Variants in UNC5D observed in about 807,000 individuals in gnomAD.
UNC5D encodes the protein netrin receptor UNC5D.
In UNC5D, 39 loss-of-function variants were observed where a neutral mutation model predicts 105.4. The observed-to-expected ratio is 0.37, with a 90% CI of 0.29 to 0.48. UNC5D has a LOEUF of 0.48. Ranked by LOEUF, UNC5D falls within the 20% of genes least tolerant of loss-of-function variation. The probability of loss-of-function intolerance (pLI) is 0.98; values close to 1 mark genes in which losing one functional copy is unlikely to be tolerated. For missense variants in UNC5D, 991 were observed against 1,202.4 expected (o/e 0.82, Z 2.60); for synonymous variants, 452 against 450.4 (o/e 1.00, Z -0.04).
At chr8:35,654,442 C>G (rs942992784) in intron 4 of UNC5D, among the ~76,000 whole-genome samples, 8 of 152,156 alleles carry the variant, frequency 5.3e-5, no homozygotes, top group Admixed American at 3.9e-4. Flanking sequence ...TGATCTTCCA[C>G]TCTACCTGAG....
At position 35,384,031 on chromosome 8, in the gene UNC5D, T is replaced by G. The variant is rs371553903; in HGVS notation, c.103+148144T>G. On this transcript the variant is annotated intron_variant, in intron 1 of 16. Coordinates refer to ENST00000404895, the MANE Select transcript of UNC5D (RefSeq NM_080872.4). ...GAGATCGAGACCATCCTGGCTAACA[T>G]GGTGAAACCCTGTCTGTACTAAAAA... 3.4e-4 allele frequency among the ~76,000 whole-genome samples: 52 copies of G among 152,088 alleles called. 1 individual carries two copies. Among genetic ancestry groups the G allele is most frequent in the African/African-American group, 1.1e-3 (47 of 41,500 alleles).
At chr8:35,344,185 G>A (rs1464302045) in intron 1 of UNC5D, among the ~76,000 whole-genome samples, 2 of 152,044 alleles carry the variant, frequency 1.3e-5, no homozygotes, top group Non-Finnish European at 2.9e-5. Flanking sequence ...AAAATAAATG[G>A]CAATGCTGGA....
chr8:35,271,320 T>C (rs1203300186), intron 1 of UNC5D, among the ~76,000 whole-genome samples: 1 of 116,140 alleles, frequency 8.6e-6, no homozygotes, highest in African/African-American at 3.5e-5. Flanking sequence ...TGTGTATGTA[T>C]ATGCATACAC....
chr8:35,629,013 A>C (rs546298104), intron 4 of UNC5D, among the ~76,000 whole-genome samples: 1 of 152,148 alleles, frequency 6.6e-6, no homozygotes, highest in Non-Finnish European at 1.5e-5. Context: ...TCTTTGATGC[A>C]GAGGAGGGGA....
intron 1 of UNC5D, among the ~76,000 whole-genome samples, chr8:35,502,724 A>G (rs1812050549): frequency 6.9e-6 from 1 of 144,224 alleles, no homozygotes; most frequent in Non-Finnish European, 1.5e-5. Context: ...ATGCCCGGCT[A>G]ATTTTTTTTT....
At chr8:35,378,293 AT>A (rs1408892970) in intron 1 of UNC5D, among the ~76,000 whole-genome samples, 2 of 152,006 alleles carry the variant, frequency 1.3e-5, no homozygotes, top group African/African-American at 2.4e-5. Flanking sequence ...CTTATGATTC[AT>A]TTTTTACTTA....
intron 3 of UNC5D, among the ~76,000 whole-genome samples, chr8:35,587,964 T>G (rs1563563583): frequency 3.1e-5 from 1 of 32,488 alleles, no homozygotes; most frequent in African/African-American, 8.2e-5. Context: ...ATAACTATAA[T>G]AATATATATA....
chr8:35,543,122 A>C (rs1023916823), intron 1 of UNC5D, among the ~76,000 whole-genome samples: 2 of 152,170 alleles, frequency 1.3e-5, no homozygotes, highest in Non-Finnish European at 2.9e-5. Context: ...TCTCATGTAA[A>C]GTTCTTTAGT....
chr8:35,575,599 C>T (rs1377552763), intron 3 of UNC5D, among the ~76,000 whole-genome samples: 2 of 152,184 alleles, frequency 1.3e-5, no homozygotes, highest in Non-Finnish European at 2.9e-5. Context: ...CTGCTCCCTT[C>T]CTATCTGTTC....
At chr8:35,412,397 A>G (rs546245754) in intron 1 of UNC5D, among the ~76,000 whole-genome samples, 2 of 151,940 alleles carry the variant, frequency 1.3e-5, no homozygotes, top group South Asian at 4.2e-4. Context: ...GAGACTTCAG[A>G]GGTGTTCCCT....
At chr8:35,237,945 A>C (rs1010322298) in intron 1 of UNC5D, among the ~76,000 whole-genome samples, 3 of 152,176 alleles carry the variant, frequency 2.0e-5, no homozygotes. Context: ...CTTCCCAGAA[A>C]GGTGTCCATT....
chr8:35,367,022 A>G (rs369559066), intron 1 of UNC5D, among the ~76,000 whole-genome samples: 1 of 152,228 alleles, frequency 6.6e-6, no homozygotes, highest in East Asian at 1.9e-4. Context: ...TTTAGTTAAC[A>G]GAAGTAACAA....
chr8:35,255,626 G>A (rs1325868742), intron 1 of UNC5D: 2 of 152,020 alleles, frequency 1.3e-5, no homozygotes, highest in African/African-American at 4.8e-5. Context: ...TGGCTAATAT[G>A]AGCTCTTCTG....
intron 3 of UNC5D, among the ~76,000 whole-genome samples, chr8:35,585,999 A>G (rs973618017): frequency 6.6e-6 from 1 of 152,098 alleles, no homozygotes; most frequent in Non-Finnish European, 1.5e-5. Flanking sequence ...TCAGCCAGGC[A>G]TGGTGGCTCA....
At chr8:35,303,001 A>G (rs1486958110) in intron 1 of UNC5D, among the ~76,000 whole-genome samples, 3 of 152,134 alleles carry the variant, frequency 2.0e-5, no homozygotes, top group Non-Finnish European at 1.5e-5. Context: ...CACAATAAAA[A>G]AGAGAAAAAG....
At chr8:35,504,585 T>A (rs980981659) in intron 1 of UNC5D, among the ~76,000 whole-genome samples, 2 of 152,168 alleles carry the variant, frequency 1.3e-5, no homozygotes, top group Non-Finnish European at 2.9e-5. Flanking sequence ...TTAATCACCT[T>A]ATTGGAGGTG....
chr8:35,419,036 C>G (rs1805714199), intron 1 of UNC5D, among the ~76,000 whole-genome samples: 1 of 152,178 alleles, frequency 6.6e-6, no homozygotes, highest in Non-Finnish European at 1.5e-5. Flanking sequence ...TAGAAATCTT[C>G]CAGGAACACT....
intron 1 of UNC5D, among the ~76,000 whole-genome samples, chr8:35,548,232 C>T (rs1441662412): frequency 1.3e-5 from 2 of 152,214 alleles, no homozygotes; most frequent in Non-Finnish European, 1.5e-5. Context: ...TATTAACCAT[C>T]ACAGTGAGAT....
At chr8:35,442,867 CTCTCTCTCTCTCTCTGTT>C (rs1807504734) in intron 1 of UNC5D, among the ~76,000 whole-genome samples, 1 of 146,394 alleles carries the variant, frequency 6.8e-6, no homozygotes, top group Non-Finnish European at 1.5e-5. Context: ...ATCTCTCTCT[CTCTCTCTCTCTCTCTGTT>C]TCTCTCTCTC....
Sources: gnomAD v4.1 joint callset for allele counts (sites outside exome capture counted in the v4.1 genomes callset) on GRCh38, gnomAD v4.1.1 for gene constraint, MANE v1.5 for transcripts, NCBI Gene and HGNC (gene_info 2026-07-23, HGNC 2026-07-21) for gene names.